The following E2F8 variants were observed in gnomAD, a reference collection of about 807,000 sequenced individuals.
E2F8 encodes transcription factor E2F8.
Under a neutral mutation model 80.8 loss-of-function variants are expected in E2F8, and 35 were observed. That is an observed-to-expected ratio of 0.43 (90% confidence interval 0.33 to 0.57). The LOEUF is 0.57. Among genes scored for constraint, E2F8 ranks in the 20% least tolerant of loss-of-function variants. The pLI is 0.04. For missense variants in E2F8, 975 were observed against 1,056.2 expected, an observed-to-expected ratio of 0.92 and a Z score of 1.07; for synonymous variants, 386 against 395.0, an observed-to-expected ratio of 0.98 and a Z score of 0.27.
Position 19,230,822 on chromosome 11 carries a change from A to C in E2F8, c.1079T>G (p.Val360Gly). The stretch of plus-strand genomic sequence containing the variant: ...CAAATCAGAGGGAGTAAAATGAATG[A>C]CTGGGCTGGAGCCTGAAACAGAAAA... ...ISPNTSGSSP[V>G]IHFTPSDLEV... The change falls in exon 8 of 13, where the codon GTC becomes GGC. Residue 360 changes from valine (V) to glycine (G), a missense_variant. Transcript: ENST00000250024. 6.2e-7 allele frequency: 1 copy of C among 1,614,112 alleles called. No individual in the cohort carries two copies. The highest frequency in any genetic ancestry group is 8.5e-7 in the Non-Finnish European group (1 of 1,179,974).
chr11:19,234,952 G>A lies in E2F8; in HGVS notation c.558C>T (p.Leu186=), dbSNP rs1206011685. Residue 186 remains leucine, a synonymous_variant, in exon 5 of 13, where the codon CTC becomes CTT. Transcript: ENST00000250024. Reference sequence around the variant, plus strand: ...TCTTCAAGGTGCCAAGGGTTTTGTTGAGATTGTGTCGCCCGTGCCAAGTGT... The same window carrying A: ...TCTTCAAGGTGCCAAGGGTTTTGTTAAGATTGTGTCGCCCGTGCCAAGTGT... ...NRYTWHGRHN[L]NKTLGTLKSI... 1.2e-6 allele frequency: 2 copies of A among 1,614,200 alleles called. No individual in the cohort carries two copies. The highest frequency in any genetic ancestry group is 1.7e-6 in the Non-Finnish European group (2 of 1,180,042).
rs1173956225 is a variant in E2F8, at chr11:19,224,637, A to T, written c.*21T>A. On this transcript the variant is annotated 3_prime_UTR_variant, in exon 13 of 13. Coordinates refer to ENST00000250024, the MANE Select transcript of E2F8 (RefSeq NM_024680.4). ...TATTAAACAACTCTTTAGAAAATTA[A>T]ACTAAGCCAACATCTGTTGATTAAT... 1.2e-6 allele frequency: 2 copies of T among 1,609,450 alleles called. No homozygotes were observed. Among genetic ancestry groups the T allele is most frequent in the Non-Finnish European group, 1.7e-6 (2 of 1,176,514 alleles).
chr11:19,229,362 G>T lies in E2F8; in HGVS notation c.1893+92C>A. ...AGGAACAGTTCCTTGTCTTCTGAGA[G>T]AATGCTCTTCGGTAAATTTCACAAG... On this transcript the variant is annotated intron_variant, in intron 10 of 12. Coordinates refer to ENST00000250024, the MANE Select transcript of E2F8 (RefSeq NM_024680.4). The surrounding 1 kb of genome is among the most constrained non-coding windows in gnomAD (Gnocchi z 4.3). 1 of 1,487,810 alleles carries T rather than the reference G, an allele frequency of 6.7e-7. No homozygotes were observed. The highest frequency in any genetic ancestry group is 1.4e-5 in the African/African-American group (1 of 71,168). 92.2% of individuals were successfully genotyped at this position (1,487,810 alleles called of 1,614,324 possible).
Position 19,239,489 on chromosome 11 carries a change from C to G in E2F8, c.15+618G>C, listed in dbSNP as rs1414204676. On this transcript the variant is annotated intron_variant, in intron 2 of 12. Coordinates refer to ENST00000250024, the MANE Select transcript of E2F8 (RefSeq NM_024680.4). The stretch of plus-strand genomic sequence containing the variant: ...TTAAACCTATTAGTAGTTGGACACC[C>G]CCCACAGACAATTCTTTTGTAATTT... Among the ~76,000 whole-genome samples the G allele has an allele frequency of 3.3e-5, 5 of 152,062 alleles. No homozygotes were observed. In the East Asian group the frequency reaches 9.7e-4, roughly 29 times the overall value.
chr11:19,228,517 A>G (rs1851291398), intron 10 of E2F8, among the ~76,000 whole-genome samples: 1 of 152,238 alleles, frequency 6.6e-6, no homozygotes, highest in Admixed American at 6.5e-5. Context: ...GCAAGTACCC[A>G]AAAGCAATTG....
At chr11:19,231,582 T>C (rs1479022313) in intron 7 of E2F8, among the ~76,000 whole-genome samples, 4 of 152,226 alleles carry the variant, frequency 2.6e-5, no homozygotes, top group African/African-American at 9.6e-5. Context: ...GAATGCAAAA[T>C]GTCAGCATCG....
intron 4 of E2F8, among the ~76,000 whole-genome samples, chr11:19,235,711 T>G (rs549552753): frequency 6.7e-6 from 1 of 149,840 alleles, no homozygotes; most frequent in African/African-American, 2.4e-5. Flanking sequence ...ACCAGCTAAG[T>G]AGCTCACCCC....
intron 2 of E2F8, 73 bp from the exon 3 acceptor site, chr11:19,238,205 T>C: frequency 6.9e-7 from 1 of 1,452,912 alleles, no homozygotes. Context: ...TTCTAGAAAT[T>C]GCATAACGAA....
In E2F8 at chr11:19,229,627, T is replaced by C; in HGVS notation, c.1720A>G (p.Ser574Gly). The change falls in exon 10 of 13, where the codon AGT becomes GGT. Residue 574 changes from serine to glycine, a missense_variant. Coordinates refer to ENST00000250024, the MANE Select transcript of E2F8 (RefSeq NM_024680.4). This position sits in a 1 kb window ranked among gnomAD's most constrained non-coding sequence, Gnocchi z 4.3. ...EKAANDTSKA[S>G]ASTRPGSLLP... Reference sequence around the variant, plus strand: ...AAGCTTCCAGGCCTGGTAGAGGCACTGGCCTTTGAGGTATCATTGGCTGCC... The same window carrying C: ...AAGCTTCCAGGCCTGGTAGAGGCACCGGCCTTTGAGGTATCATTGGCTGCC... 6.2e-7 allele frequency: 1 copy of C among 1,614,234 alleles called. No homozygotes were observed. The highest frequency in any genetic ancestry group is 8.5e-7 in the Non-Finnish European group (1 of 1,180,046).
At position 19,229,719 on chromosome 11, in the gene E2F8, G is replaced by A. The variant is rs1851323342; in HGVS notation, c.1628C>T (p.Thr543Met). 5 of 1,614,212 alleles carry A rather than the reference G, an allele frequency of 3.1e-6. No individual in the cohort carries two copies. The highest frequency in any genetic ancestry group is 1.3e-5 in the African/African-American group (1 of 75,044). ...SVTPPQGLSP[T>M]VCTTHSSKAT... is the part of the protein sequence containing the mutation. ...TTTAGAAGAGTGGGTGGTGCACACCGTTGGGCTCAGGCCTTGGGGTGGCGT... is the reference window on the plus strand; with the variant it reads ...TTTAGAAGAGTGGGTGGTGCACACCATTGGGCTCAGGCCTTGGGGTGGCGT... The change falls in exon 10 of 13, where the codon ACG becomes ATG. Residue 543 changes from threonine to methionine, a missense_variant. By Grantham distance (81) the Thr-to-Met change is moderately conservative (BLOSUM62 -1). Coordinates refer to ENST00000250024, the MANE Select transcript of E2F8 (RefSeq NM_024680.4). The surrounding 1 kb of genome is among the most constrained non-coding windows in gnomAD (Gnocchi z 4.3).
At position 19,225,248 on chromosome 11, in the gene E2F8, T is replaced by C. The variant is rs779640316; in HGVS notation, c.2394A>G (p.Gln798=). ...PVPGQSQPNG[Q]SVAVTGAQQP... ...GTTGTGCCCCTGTCACAGCAACTGA[T>C]TGTCCATTTGGCTGGCTCTGGCCTG... The change falls in exon 12 of 13, where the codon CAA becomes CAG. Residue 798 remains glutamine, a synonymous_variant. Transcript: ENST00000250024. 1 of 1,613,862 alleles carries C rather than the reference T, an allele frequency of 6.2e-7. No homozygotes were observed. The highest frequency in any genetic ancestry group is 1.1e-5 in the South Asian group (1 of 91,068).
At chr11:19,226,774 A>C (rs948170602) in intron 10 of E2F8, among the ~76,000 whole-genome samples, 2 of 152,226 alleles carry the variant, frequency 1.3e-5, no homozygotes, top group Non-Finnish European at 2.9e-5. Flanking sequence ...AAATTATATA[A>C]GTAAAGATTT....
chr11:19,231,520 C>T (rs1851381103), intron 7 of E2F8, among the ~76,000 whole-genome samples: 1 of 152,202 alleles, frequency 6.6e-6, no homozygotes, highest in African/African-American at 2.4e-5. Flanking sequence ...CCTCTGTCTT[C>T]ATGGCCCACG....
At position 19,234,426 on chromosome 11, in the gene E2F8, C is replaced by G; in HGVS notation, c.862G>C (p.Glu288Gln). The change falls in exon 6 of 13, where the codon GAA becomes CAA. Residue 288 changes from glutamate (E) to glutamine (Q), a missense_variant. Physicochemically the swap from Glu to Gln is conservative, Grantham distance 29 (BLOSUM62 2). Coordinates refer to ENST00000250024, the MANE Select transcript of E2F8 (RefSeq NM_024680.4). The part of the protein sequence containing the change: ...LVSTPQIVSL[E>Q]VAAKILIGED... Reference sequence around the variant, plus strand: ...CCAATTAAAATCTTGGCAGCAACTTCTAGGCTTACTATCTGAGGCGTTGAC... The same window carrying G: ...CCAATTAAAATCTTGGCAGCAACTTGTAGGCTTACTATCTGAGGCGTTGAC... 2.5e-6 allele frequency: 4 copies of G among 1,614,174 alleles called. No homozygotes were observed. The highest frequency in any genetic ancestry group is 3.4e-6 in the Non-Finnish European group (4 of 1,180,044).
In E2F8 at chr11:19,230,787, G is replaced by A. The variant is rs150203629; in HGVS notation, c.1114C>T (p.Arg372Trp). Residue 372 changes from arginine (R) to tryptophan (W), a missense_variant, in exon 8 of 13, where the codon CGG (arginine) becomes TGG (tryptophan). Physicochemically the swap from Arg to Trp is moderately radical, Grantham distance 101. Transcript: ENST00000250024. ...TTGGCACAGTTCTCTTTTGAAGACC[G>A]TCTCACCTCCAAATCAGAGGGAGTA... ...HFTPSDLEVR[R>W]SSKENCAKNL... 140 of 1,614,170 alleles carry A rather than the reference G, an allele frequency of 8.7e-5. No individual in the cohort carries two copies. The African/African-American group carries it at 1.3e-3, about 16-fold the overall frequency.
chr11:19,238,506 G>T (rs1851581719), intron 2 of E2F8, among the ~76,000 whole-genome samples: 1 of 152,182 alleles, frequency 6.6e-6, no homozygotes, highest in East Asian at 1.9e-4. Context: ...CCCCTAATTG[G>T]ACTGACAATG....
intron 3 of E2F8, 59 bp downstream of exon 3, chr11:19,237,795 A>T (rs747051001): frequency 6.4e-7 from 1 of 1,552,644 alleles, no homozygotes; most frequent in Non-Finnish European, 8.7e-7. Context: ...TAATAGCTAC[A>T]ACCTCCCCCC....
intron 6 of E2F8, among the ~76,000 whole-genome samples, chr11:19,233,549 G>A (rs913184164): frequency 6.6e-6 from 1 of 151,894 alleles, no homozygotes; most frequent in South Asian, 2.1e-4. Context: ...GTGCAGTGGC[G>A]CGATCTCGGC....
In E2F8 at chr11:19,240,869, GT is replaced by G. The variant is rs909346270; in HGVS notation, c.-432del. On this transcript the variant is annotated 5_prime_UTR_variant, in exon 1 of 13. Transcript: ENST00000250024. ...TCGGGTGGCCAGTTCACACCACGGC[GT>G]TAGACTCCACCTTGGAAGGCTGTAT... 2 of 152,362 alleles carry G rather than the reference GT, an allele frequency of 1.3e-5. No individual in the cohort carries two copies. Among genetic ancestry groups the G allele is most frequent in the Admixed American group, 1.3e-4 (2 of 15,304 alleles). The allele number at this position is 152,362 out of a possible 1,614,324, so 9.4% of individuals were successfully genotyped here. A position where few individuals can be genotyped will look rare whatever the true frequency, so the allele number is the denominator to read the frequency against.
Sources: gnomAD v4.1 joint callset for allele counts (sites outside exome capture counted in the v4.1 genomes callset) on GRCh38, gnomAD v4.1.1 for gene constraint, Gnocchi (gnomAD v3.1) non-coding constraint, MANE v1.5 for transcripts, NCBI Gene and HGNC (gene_info 2026-07-23, HGNC 2026-07-21) for gene names.